The following CNTNAP3B variants were observed in gnomAD, a reference collection of about 807,000 sequenced individuals.
CNTNAP3B encodes the protein contactin associated protein family member 3B, also known as contactin-associated protein-like 3B.
In CNTNAP3B, 25 loss-of-function variants were observed where a neutral mutation model predicts 108.9. That is an observed-to-expected ratio of 0.23 (90% CI 0.17 to 0.32). The LOEUF is 0.32. CNTNAP3B is among the 10% of genes least tolerant of loss of function. The pLI, the probability that CNTNAP3B is intolerant of heterozygous loss-of-function variation, is 1.00. For missense variants in CNTNAP3B, 252 were observed against 1,210.4 expected, an observed-to-expected ratio of 0.21 and a Z score of 11.75; for synonymous variants, 103 against 473.4, an observed-to-expected ratio of 0.22 and a Z score of 10.16.
At position 42,076,351 on chromosome 9, in the gene CNTNAP3B, G is replaced by T. The variant is rs1456438968; in HGVS notation, c.390+518C>A. On this transcript the variant is annotated intron_variant, in intron 3 of 23. Transcript: ENST00000377561. ...TGATGCAGAAGAATTGTTTGAACCTGGGAGGCAGAGGCTGCAGTGAGCCAA... is the reference window on the plus strand; with the variant it reads ...TGATGCAGAAGAATTGTTTGAACCTTGGAGGCAGAGGCTGCAGTGAGCCAA... Among the ~76,000 whole-genome samples the T allele has an allele frequency of 1.1e-4, 14 of 131,910 alleles. 1 individual carries two copies. Among genetic ancestry groups the T allele is most frequent in the Non-Finnish European group, 1.8e-4 (11 of 62,778 alleles). 86.5% of individuals were successfully genotyped at this position (131,910 alleles called of 152,430 possible). A position where few individuals can be genotyped will look rare whatever the true frequency, so the allele number is the denominator to read the frequency against.
intron 13 of CNTNAP3B, among the ~76,000 whole-genome samples, chr9:41,948,381 C>T (rs1463275335): frequency 1.1e-4 from 17 of 152,322 alleles, no homozygotes; most frequent in East Asian, 1.9e-4. Context: ...GCCACCCTGC[C>T]GGGCCTTACT....
intron 3 of CNTNAP3B, among the ~76,000 whole-genome samples, chr9:42,070,424 G>A (rs1367940023): frequency 1.3e-5 from 2 of 149,126 alleles, no homozygotes; most frequent in Non-Finnish European, 1.5e-5. Context: ...GGACCCACAG[G>A]TGCAGCTGTT....
chr9:42,071,341 T>C (rs1827375746), intron 3 of CNTNAP3B, among the ~76,000 whole-genome samples: 1 of 143,730 alleles, frequency 7.0e-6, no homozygotes, highest in African/African-American at 2.7e-5. Context: ...AAGCTATCTA[T>C]GCTATAGGGG....
intron 13 of CNTNAP3B, 145 bp from the exon 14 acceptor site, chr9:41,938,545 T>C (rs2118064063): frequency 7.3e-7 from 1 of 1,361,474 alleles, no homozygotes; most frequent in Non-Finnish European, 1.0e-6. Flanking sequence ...CACTTGTATT[T>C]TACCTCTGAA....
intron 11 of CNTNAP3B, among the ~76,000 whole-genome samples, chr9:41,963,087 C>A: frequency 6.6e-6 from 1 of 152,280 alleles, no homozygotes. Flanking sequence ...CCTCTTTTGC[C>A]CAGATCCTTT....
intron 1 of CNTNAP3B, among the ~76,000 whole-genome samples, chr9:42,128,417 C>G (rs1354279263): frequency 7.4e-6 from 1 of 135,496 alleles, no homozygotes; most frequent in East Asian, 2.2e-4. Context: ...TTGTCTTTAA[C>G]CAAGAACTTT....
chr9:42,058,378 T>C (rs1827119317), intron 3 of CNTNAP3B, among the ~76,000 whole-genome samples: 1 of 150,744 alleles, frequency 6.6e-6, no homozygotes, highest in Admixed American at 6.6e-5. Flanking sequence ...CGACACTTGT[T>C]ATCTTTTGTC....
intron 1 of CNTNAP3B, among the ~76,000 whole-genome samples, chr9:42,124,117 C>T (rs958467587): frequency 7.2e-6 from 1 of 138,916 alleles, no homozygotes; most frequent in African/African-American, 2.9e-5. Flanking sequence ...AGGCATGCTA[C>T]TTAAATCACA....
At position 41,963,964 on chromosome 9, in the gene CNTNAP3B, AATC is replaced by A. The variant is rs1351089223; in HGVS notation, c.1756+571_1756+573del. Among the ~76,000 whole-genome samples the A allele has an allele frequency of 5.3e-5, 8 of 151,682 alleles. No homozygotes were observed. The East Asian group carries it at 1.4e-3, about 26-fold the overall frequency. On this transcript the variant is annotated intron_variant, in intron 11 of 23. Coordinates refer to ENST00000377561, the MANE Select transcript of CNTNAP3B (RefSeq NM_001201380.3). ...ATACTTTTACAATTATTCACTTTAC[AATC>A]ATCATCACCACCACCAAAGAAAATC...
intron 9 of CNTNAP3B, among the ~76,000 whole-genome samples, chr9:41,972,614 C>A (rs1452383193): frequency 1.4e-5 from 2 of 138,270 alleles, no homozygotes; most frequent in Non-Finnish European, 3.1e-5. Flanking sequence ...CGAAACTATA[C>A]ATAACCTCAC....
intron 9 of CNTNAP3B, among the ~76,000 whole-genome samples, chr9:41,981,927 A>C (rs113921289): frequency 1.7e-5 from 1 of 57,526 alleles, no homozygotes; most frequent in Non-Finnish European, 3.4e-5. Flanking sequence ...AAATTAGCTG[A>C]ATGTGGTGGC....
intron 1 of CNTNAP3B, among the ~76,000 whole-genome samples, chr9:42,120,752 C>T (rs1409974419): frequency 1.7e-5 from 2 of 120,766 alleles, no homozygotes; most frequent in Non-Finnish European, 3.3e-5. Flanking sequence ...TGTTCTCACT[C>T]ATAGGTGGGA....
At chr9:41,969,136 T>A (rs1441803344) in intron 10 of CNTNAP3B, among the ~76,000 whole-genome samples, 2 of 152,212 alleles carry the variant, frequency 1.3e-5, no homozygotes, top group African/African-American at 4.8e-5. Flanking sequence ...AGCATTTATT[T>A]ATTCACTGAA....
At chr9:41,973,093 A>G (rs1299063656) in intron 9 of CNTNAP3B, among the ~76,000 whole-genome samples, 6 of 138,188 alleles carry the variant, frequency 4.3e-5, no homozygotes, top group Admixed American at 1.4e-4. Flanking sequence ...ACGCACCACC[A>G]TGCCCTGCTA....
At chr9:42,109,423 G>T (rs1159030124) in intron 1 of CNTNAP3B, among the ~76,000 whole-genome samples, 1 of 145,124 alleles carries the variant, frequency 6.9e-6, no homozygotes, top group Non-Finnish European at 1.5e-5. Context: ...TCATTATTCT[G>T]GGATCTGATA....
In CNTNAP3B at chr9:41,934,122, T is replaced by TATATATATATATATATATATACACAC. The variant is rs1214326050; in HGVS notation, c.2237+4121_2237+4122insGTGTGTATATATATATATATATATAT. 7.8e-3 allele frequency among the ~76,000 whole-genome samples: 558 copies of TATATATATATATATATATATACACAC among 71,710 alleles called. 5 individuals are homozygous for TATATATATATATATATATATACACAC. Among genetic ancestry groups the TATATATATATATATATATATACACAC allele is most frequent in the Middle Eastern group, 0.022 (3 of 138 alleles). The allele number at this position is 71,710 out of a possible 152,430, so 47.0% of individuals were successfully genotyped here. Reference sequence around the variant, plus strand: ...TTACATATATATATATATATATATATACACACACATATATATATACACACA... The same window carrying TATATATATATATATATATATACACAC: ...TTACATATATATATATATATATATATATATATATATATATATATATACACACACACACACATATATATATACACACA... On this transcript the variant is annotated intron_variant, in intron 14 of 23. Coordinates refer to ENST00000377561, the MANE Select transcript of CNTNAP3B (RefSeq NM_001201380.3).
intron 14 of CNTNAP3B, among the ~76,000 whole-genome samples, chr9:41,935,602 T>C (rs1824133353): frequency 6.6e-6 from 1 of 152,296 alleles, no homozygotes; most frequent in Non-Finnish European, 1.5e-5. Context: ...AAATAGAAAT[T>C]GTAATTTCCC....
chr9:41,979,667 A>ATT lies in CNTNAP3B; in HGVS notation c.1477+6499_1477+6500dup, dbSNP rs1281741123. ...TAAAAAATATTTTATATATATATATATTTTTTTTTTCAAGTGATTATCCTG... is the reference window on the plus strand; with the variant it reads ...TAAAAAATATTTTATATATATATATATTTTTTTTTTTTCAAGTGATTATCCTG... On this transcript the variant is annotated intron_variant, in intron 9 of 23. Transcript: ENST00000377561. 34 of 31,382 alleles carry ATT rather than the reference A, an allele frequency of 1.1e-3. 10 individuals are homozygous for ATT. Among genetic ancestry groups the ATT allele is most frequent in the African/African-American group, 2.6e-3 (31 of 12,086 alleles). The allele number at this position is 31,382 out of a possible 1,614,324, so 1.9% of individuals were successfully genotyped here. A position where few individuals can be genotyped will look rare whatever the true frequency, so the allele number is the denominator to read the frequency against.
intron 14 of CNTNAP3B, among the ~76,000 whole-genome samples, chr9:41,937,534 A>G (rs1208681023): frequency 6.6e-6 from 1 of 150,926 alleles, no homozygotes; most frequent in African/African-American, 2.4e-5. Flanking sequence ...CATATTACAA[A>G]TAAAAAAAAA....
Sources: allele counts gnomAD v4.1 joint callset (sites outside exome capture counted in the v4.1 genomes callset), GRCh38; gene constraint gnomAD v4.1.1; transcripts MANE v1.5; gene names NCBI Gene and HGNC (gene_info 2026-07-23, HGNC 2026-07-21).